Variants in USH1C observed in about 807,000 individuals in gnomAD.
USH1C encodes harmonin.
Under a neutral mutation model 119.3 loss-of-function variants are expected in USH1C, and 90 were observed. That is an observed-to-expected ratio of 0.75 (90% confidence interval 0.64 to 0.90). The LOEUF is 0.90. Among genes scored for constraint, USH1C ranks in the 40% least tolerant of loss-of-function variants. The pLI, the probability that USH1C is intolerant of heterozygous loss-of-function variation, is 0.00. For missense variants in USH1C, 1,165 were observed against 1,167.7 expected, an observed-to-expected ratio of 1.00 and a Z score of 0.03; for synonymous variants, 465 against 443.3, an observed-to-expected ratio of 1.05 and a Z score of -0.62.
intron 16 of USH1C, among the ~76,000 whole-genome samples, chr11:17,511,341 G>C (rs534492370): frequency 4.6e-5 from 7 of 152,174 alleles, no homozygotes; most frequent in East Asian, 1.9e-4. Context: ...AGTTGGGTGG[G>C]GGGGGGTCTG....
intron 23 of USH1C, among the ~76,000 whole-genome samples, chr11:17,498,513 T>C (rs1207599635): frequency 1.3e-5 from 2 of 152,186 alleles, no homozygotes; most frequent in Non-Finnish European, 2.9e-5. Context: ...CTGGATATCA[T>C]TGATGATGAG....
In USH1C at chr11:17,506,001, A is replaced by C. The variant is rs773909705; in HGVS notation, c.2014-52T>G. On this transcript the variant is annotated intron_variant, in intron 18 of 26. Coordinates refer to ENST00000005226, the MANE Select transcript of USH1C (RefSeq NM_153676.4). ...AGGTGAGGTCATGGTGGGGTGGCCA[A>C]GGCCAGCCATGCTACTTCTACACAC... 1.9e-6 allele frequency: 3 copies of C among 1,613,356 alleles called. No homozygotes were observed. The African/African-American group carries it at 4.0e-5, about 22-fold the overall frequency.
At chr11:17,519,707 T>A (rs1850329380) in intron 14 of USH1C, among the ~76,000 whole-genome samples, 1 of 152,068 alleles carries the variant, frequency 6.6e-6, no homozygotes, top group South Asian at 2.1e-4. Context: ...CTGATGAGAG[T>A]GTGCTTTGTC....
At chr11:17,524,413 C>T (rs1350212966) in intron 9 of USH1C, 38 bp downstream of exon 9, 2 of 1,553,410 alleles carry the variant, frequency 1.3e-6, no homozygotes, top group African/African-American at 1.4e-5. Flanking sequence ...ACCCAATTTC[C>T]AGTGGGCCCC....
intron 23 of USH1C, 76 bp downstream of exon 23, chr11:17,500,975 C>A (rs1235666527): frequency 1.6e-6 from 2 of 1,275,666 alleles, no homozygotes; most frequent in Non-Finnish European, 2.2e-6. Context: ...CAAGTGGTCA[C>A]CTGTTTGCTT....
chr11:17,502,087 G>A, intron 20 of USH1C, 107 bp from the exon 21 acceptor site: 1 of 1,234,562 alleles, frequency 8.1e-7, no homozygotes. Flanking sequence ...GAAGTGAGGG[G>A]TAGGGCGGGA....
At chr11:17,495,445 C>G in intron 26 of USH1C, 124 bp downstream of exon 26, 1 of 1,017,960 alleles carries the variant, frequency 9.8e-7, no homozygotes, top group Admixed American at 1.7e-5. Context: ...GGCAGCACTT[C>G]AGGGATGGCG....
chr11:17,516,388 C>T (rs927082931), intron 14 of USH1C, 98 bp from the exon 15 acceptor site: 2 of 1,217,522 alleles, frequency 1.6e-6, no homozygotes, highest in African/African-American at 3.0e-5. Flanking sequence ...GAATGCATGA[C>T]TTTGTGAGAT....
At chr11:17,516,123 C>A in intron 15 of USH1C, 118 bp downstream of exon 15, 1 of 1,162,964 alleles carries the variant, frequency 8.6e-7, no homozygotes, top group East Asian at 2.5e-5. Context: ...AGTTAGCCTT[C>A]CAAGTGAACA....
In USH1C at chr11:17,522,843, C is replaced by G. The variant is rs41282934; in HGVS notation, c.960G>C (p.Gln320His). The G allele has an allele frequency of 1.3e-5, 21 of 1,613,668 alleles. No homozygotes were observed. The highest frequency in any genetic ancestry group is 1.8e-5 in the Non-Finnish European group (21 of 1,179,886). ...RELQRQELLM[Q>H]KRLAMESNKI... The stretch of plus-strand genomic sequence containing the variant: ...TGTTGGACTCCATCGCCAGCCGCTT[C>G]TGCATGAGAAGCTCCTGCCGCTGCA... Residue 320 changes from glutamine (Q) to histidine (H), a missense_variant, in exon 12 of 27, where the codon CAG becomes CAC. Physicochemically the swap from Gln to His is conservative, Grantham distance 24 (BLOSUM62 0). Transcript: ENST00000005226.
Position 17,505,769 on chromosome 11 carries a change from A to T in USH1C, c.2133+61T>A, listed in dbSNP as rs1296421589. Reference sequence around the variant, plus strand: ...TTGCCCTCCAGAGACAGCAGAGCCCAGGGGAGGTAGCCCTGGTCTGCTCCT... The same window carrying T: ...TTGCCCTCCAGAGACAGCAGAGCCCTGGGGAGGTAGCCCTGGTCTGCTCCT... On this transcript the variant is annotated intron_variant, in intron 19 of 26. Coordinates refer to ENST00000005226, the MANE Select transcript of USH1C (RefSeq NM_153676.4). 6 of 1,611,420 alleles carry T rather than the reference A, an allele frequency of 3.7e-6. No homozygotes were observed. The East Asian group carries it at 1.1e-4, about 30-fold the overall frequency.
chr11:17,521,170 A>G (rs1850396067), intron 13 of USH1C, among the ~76,000 whole-genome samples, 176 bp from the exon 14 acceptor site: 1 of 152,178 alleles, frequency 6.6e-6, no homozygotes, highest in African/African-American at 2.4e-5. Context: ...CTTGGCAATT[A>G]TACGAGACTA....
At chr11:17,524,612 C>T in intron 8 of USH1C, 77 bp from the exon 9 acceptor site, 1 of 1,505,322 alleles carries the variant, frequency 6.6e-7, no homozygotes. Flanking sequence ...CACTCATGAG[C>T]TGAGGACTGA....
intron 9 of USH1C, 105 bp from the exon 10 acceptor site, chr11:17,523,583 AAGTGGC>A: frequency 9.4e-7 from 1 of 1,066,578 alleles, no homozygotes; most frequent in South Asian, 1.3e-5. Context: ...CTGGATCTTC[AAGTGGC>A]AGTACCTCAG....
chr11:17,509,703 T>G lies in USH1C; in HGVS notation c.1666A>C (p.Lys556Gln). The change falls in exon 18 of 27, where the codon AAG (lysine) becomes CAG (glutamine). Residue 556 changes from lysine (K) to glutamine (Q), a missense_variant. Coordinates refer to ENST00000005226, the MANE Select transcript of USH1C (RefSeq NM_153676.4). ...ATCACAGGCAAGGCAGAGGGAGTCT[T>G]GGGGGGATAGTAGAACATGTCCAAA... ...IPLDMFYYPP[K>Q]TPSALPVMPH... 2 of 1,594,408 alleles carry G rather than the reference T, an allele frequency of 1.3e-6. No individual in the cohort carries two copies. The highest frequency in any genetic ancestry group is 1.4e-5 in the African/African-American group (1 of 72,486).
chr11:17,523,449 G>C lies in USH1C; in HGVS notation c.789C>G (p.Gly263=), dbSNP rs376197674. The part of the protein sequence containing the change: ...EIGDQIVEVN[G]VDFSNLDHKE... ...TGTGATCCAGGTTAGAGAAGTCGAC[G>C]CCATTGACTTCGACAATCTGGTCCC... Residue 263 remains glycine, a synonymous_variant, in exon 10 of 27, where the codon GGC becomes GGG. Transcript: ENST00000005226. 8 of 1,614,052 alleles carry C rather than the reference G, an allele frequency of 5.0e-6. No homozygotes were observed. The East Asian group carries it at 1.8e-4, about 36-fold the overall frequency.
At chr11:17,500,989 G>T in intron 23 of USH1C, 62 bp downstream of exon 23, 1 of 1,451,842 alleles carries the variant, frequency 6.9e-7, no homozygotes. Flanking sequence ...TTTGCTTTCC[G>T]GGAGGGCCCC....
At chr11:17,504,097 T>C (rs1490832849) in intron 20 of USH1C, among the ~76,000 whole-genome samples, 1 of 152,186 alleles carries the variant, frequency 6.6e-6, no homozygotes, top group Non-Finnish European at 1.5e-5. Context: ...GGGAGGTAGG[T>C]GGCTGCCTGC....
Position 17,496,644 on chromosome 11 carries a change from G to T in USH1C, c.2546+114C>A, listed in dbSNP as rs750932294. ...AGGAGCTCTGGCTATGAGAAGCTGCGTGCTTGGGCCATTCCTTCAGGCTGG... is the reference window on the plus strand; with the variant it reads ...AGGAGCTCTGGCTATGAGAAGCTGCTTGCTTGGGCCATTCCTTCAGGCTGG... On this transcript the variant is annotated intron_variant, in intron 25 of 26. Coordinates refer to ENST00000005226, the MANE Select transcript of USH1C (RefSeq NM_153676.4). The T allele has an allele frequency of 2.3e-6, 3 of 1,307,292 alleles. No homozygotes were observed. The African/African-American group carries it at 4.4e-5, about 19-fold the overall frequency. 81.0% of individuals were successfully genotyped at this position (1,307,292 alleles called of 1,614,324 possible).
Sources: allele counts gnomAD v4.1 joint callset (sites outside exome capture counted in the v4.1 genomes callset), GRCh38; gene constraint gnomAD v4.1.1; transcripts MANE v1.5; gene names NCBI Gene and HGNC (gene_info 2026-07-23, HGNC 2026-07-21).